DPYSL2: variants seen among roughly 807,000 people sequenced by gnomAD.
DPYSL2 encodes the protein dihydropyrimidinase like 2, also known as dihydropyrimidinase-related protein 2.
In DPYSL2, 13 loss-of-function variants were observed where a neutral mutation model predicts 69.9. The observed-to-expected ratio is 0.19, with a 90% confidence interval of 0.12 to 0.30. The LOEUF (loss-of-function observed/expected upper bound fraction) is 0.30, where lower values mean the gene tolerates loss of function less well. Ranked by LOEUF, DPYSL2 falls within the 10% of genes least tolerant of loss-of-function variation. The pLI, the probability that DPYSL2 is intolerant of heterozygous loss-of-function variation, is 1.00. For missense variants in DPYSL2, 587 were observed against 918.9 expected (o/e 0.64, Z 4.67); for synonymous variants, 326 against 359.1 (o/e 0.91, Z 1.04).
At chr8:26,575,623 T>G (rs1005714186) in intron 1 of DPYSL2, among the ~76,000 whole-genome samples, 1 of 152,200 alleles carries the variant, frequency 6.6e-6, no homozygotes, top group Non-Finnish European at 1.5e-5. Flanking sequence ...AAGAACCTCA[T>G]AGCAATGGCT....
chr8:26,575,279 G>A (rs1314124567), intron 1 of DPYSL2, among the ~76,000 whole-genome samples: 1 of 152,148 alleles, frequency 6.6e-6, no homozygotes, highest in Non-Finnish European at 1.5e-5. Context: ...GTGAGCCACT[G>A]TGCCCAGCCT....
At chr8:26,545,923 A>C (rs978570943) in intron 1 of DPYSL2, among the ~76,000 whole-genome samples, 4 of 152,212 alleles carry the variant, frequency 2.6e-5, no homozygotes, top group Non-Finnish European at 5.9e-5. Context: ...GAAGTCAGGA[A>C]GTATCTGACT....
At chr8:26,594,877 G>A (rs1024249754) in intron 3 of DPYSL2, among the ~76,000 whole-genome samples, 15 of 152,112 alleles carry the variant, frequency 9.9e-5, no homozygotes, top group Non-Finnish European at 1.8e-4. Context: ...GAAAAACAAC[G>A]ATGTATAAGA....
At chr8:26,578,010 TC>T in intron 1 of DPYSL2, 2 of 1,383,410 alleles carry the variant, frequency 1.4e-6, no homozygotes, top group Non-Finnish European at 9.3e-7. Context: ...TCTCTCTCTC[TC>T]TCTCTCTTTT....
chr8:26,559,031 C>T (rs1301697829), intron 1 of DPYSL2, among the ~76,000 whole-genome samples: 1 of 152,196 alleles, frequency 6.6e-6, no homozygotes, highest in African/African-American at 2.4e-5. Flanking sequence ...CAACCTCTGC[C>T]TCCCGGGTTC....
chr8:26,546,330 T>C (rs764667658), intron 1 of DPYSL2, among the ~76,000 whole-genome samples: 7 of 152,254 alleles, frequency 4.6e-5, no homozygotes, highest in Non-Finnish European at 8.8e-5. Flanking sequence ...GACTTTTGTA[T>C]ATTAACCTTG....
chr8:26,606,545 TA>T (rs572770797), intron 3 of DPYSL2, among the ~76,000 whole-genome samples: 1 of 151,952 alleles, frequency 6.6e-6, no homozygotes, highest in African/African-American at 2.4e-5. Context: ...AACATTTTAA[TA>T]AAAAAAGCAT....
intron 1 of DPYSL2, among the ~76,000 whole-genome samples, chr8:26,573,666 CAAAAAAAA>C (rs11437407): frequency 3.2e-5 from 3 of 95,128 alleles, no homozygotes; most frequent in Admixed American, 1.3e-4. Context: ...AAGACTGTCT[CAAAAAAAA>C]AAAAAAAAAA....
intron 10 of DPYSL2, among the ~76,000 whole-genome samples, chr8:26,646,208 T>G (rs533325195): frequency 6.0e-5 from 9 of 149,162 alleles, no homozygotes; most frequent in Non-Finnish European, 1.5e-5. Context: ...TTTCTGGTTT[T>G]TTTTTTTTTT....
intron 1 of DPYSL2, among the ~76,000 whole-genome samples, chr8:26,543,807 T>C (rs1800722039): frequency 6.6e-6 from 1 of 152,282 alleles, no homozygotes; most frequent in Non-Finnish European, 1.5e-5. Context: ...CTTTTTATCA[T>C]ACATTGTTTG....
At chr8:26,584,898 C>T (rs2129744622) in intron 3 of DPYSL2, among the ~76,000 whole-genome samples, 1 of 152,280 alleles carries the variant, frequency 6.6e-6, no homozygotes, top group Non-Finnish European at 1.5e-5. Context: ...GGATTACAGG[C>T]ATGAGCCACC....
At position 26,562,089 on chromosome 8, in the gene DPYSL2, C is replaced by T. The variant is rs1801080120; in HGVS notation, c.355-19880C>T. Among the ~76,000 whole-genome samples the T allele has an allele frequency of 6.6e-6, 1 of 152,214 alleles. No homozygotes were observed. The highest frequency in any genetic ancestry group is 2.4e-5 in the African/African-American group (1 of 41,442). On this transcript the variant is annotated intron_variant, in intron 1 of 13. Transcript: ENST00000521913. This position sits in a 1 kb window ranked among gnomAD's most constrained non-coding sequence, Gnocchi z 4.9. ...GTTCACACTTGATAGTTTTCTCCTACTTACTCCACATCCAATCTATTAGTG... is the reference window on the plus strand; with the variant it reads ...GTTCACACTTGATAGTTTTCTCCTATTTACTCCACATCCAATCTATTAGTG...
Position 26,626,120 on chromosome 8 carries a change from C to G in DPYSL2, c.794-497C>G, listed in dbSNP as rs1049942232. ...TTTGCAACTGGCTTATTTCATTTAC[C>G]ATGATGTCCTTAAGGTTTCTCCATG... On this transcript the variant is annotated intron_variant, in intron 4 of 13. Transcript: ENST00000521913. The surrounding 1 kb of genome is among the most constrained non-coding windows in gnomAD (Gnocchi z 4.3). 2.6e-5 allele frequency among the ~76,000 whole-genome samples: 4 copies of G among 152,140 alleles called. No homozygotes were observed. The highest frequency in any genetic ancestry group is 9.7e-5 in the African/African-American group (4 of 41,428).
Position 26,621,201 on chromosome 8 carries a change from A to T in DPYSL2, c.629-2942A>T, listed in dbSNP as rs746440185. ...AAAAAAGGCAGTAAAAATACACCCA[A>T]ATTTGAATAGGTTGATTTTGGGGTG... On this transcript the variant is annotated intron_variant, in intron 3 of 13. Coordinates refer to ENST00000521913, the MANE Select transcript of DPYSL2 (RefSeq NM_001197293.3). The surrounding 1 kb of genome is among the most constrained non-coding windows in gnomAD (Gnocchi z 4.9). 6.6e-6 allele frequency among the ~76,000 whole-genome samples: 1 copy of T among 152,152 alleles called. No individual in the cohort carries two copies. Among genetic ancestry groups the T allele is most frequent in the Non-Finnish European group, 1.5e-5 (1 of 68,030 alleles).
rs35314544 is a variant in DPYSL2 at position 26,656,174 on chromosome 8, CTTT to C, written c.*484_*486del. ...GGGAGGGGCCGGGGTCAGGGAGAGT[CTTT>C]TTTTTTTTTTTTTTTAAATACTAAA... On this transcript the variant is annotated 3_prime_UTR_variant, in exon 14 of 14. Transcript: ENST00000521913. 3.3e-4 allele frequency: 42 copies of C among 128,382 alleles called. No individual in the cohort carries two copies. Among genetic ancestry groups the C allele is most frequent in the Middle Eastern group, 4.2e-3 (1 of 236 alleles). The allele number at this position is 128,382 out of a possible 1,614,324, so 8.0% of individuals were successfully genotyped here.
intron 1 of DPYSL2, among the ~76,000 whole-genome samples, chr8:26,569,850 A>G (rs1450806417): frequency 6.6e-6 from 1 of 152,102 alleles, no homozygotes; most frequent in Non-Finnish European, 1.5e-5. Context: ...GAAGGACATC[A>G]GTGTGCTATG....
chr8:26,536,584 T>C (rs541079794), intron 1 of DPYSL2, among the ~76,000 whole-genome samples: 10 of 152,114 alleles, frequency 6.6e-5, no homozygotes, highest in Middle Eastern at 3.4e-3. Context: ...AAAGGGAGAA[T>C]CGCCTGAACC....
In DPYSL2 at chr8:26,626,451, C is replaced by T. The variant is rs977903209; in HGVS notation, c.794-166C>T. 4.5e-4 allele frequency among the ~76,000 whole-genome samples: 68 copies of T among 150,422 alleles called. No individual in the cohort carries two copies. Among genetic ancestry groups the T allele is most frequent in the African/African-American group, 1.2e-3 (50 of 40,656 alleles). On this transcript the variant is annotated intron_variant, in intron 4 of 13. Transcript: ENST00000521913. This position sits in a 1 kb window ranked among gnomAD's most constrained non-coding sequence, Gnocchi z 4.3. ...TGCTTCCTTTACCATTCTGTGTCTC[C>T]ATTTCTCTCCTCTCTCTTTCTCTGT...
In DPYSL2 at chr8:26,593,557, T is replaced by C. The variant is rs1238968577; in HGVS notation, c.628+9574T>C. On this transcript the variant is annotated intron_variant, in intron 3 of 13. Transcript: ENST00000521913. The surrounding 1 kb of genome is among the most constrained non-coding windows in gnomAD (Gnocchi z 5.7). ...CAGGGTGGAGTCTACAGCCAGATGC[T>C]CCCCAGAAGCTTAACCATGGAGGGG... 6.6e-6 allele frequency among the ~76,000 whole-genome samples: 1 copy of C among 152,180 alleles called. No homozygotes were observed. The highest frequency in any genetic ancestry group is 1.5e-5 in the Non-Finnish European group (1 of 68,016).
Sources: allele counts gnomAD v4.1 joint callset (sites outside exome capture counted in the v4.1 genomes callset), GRCh38; gene constraint gnomAD v4.1.1; non-coding constraint Gnocchi (gnomAD v3.1); transcripts MANE v1.5; gene names NCBI Gene and HGNC (gene_info 2026-07-23, HGNC 2026-07-21).